The following MTMR9 variants were observed in gnomAD, a reference collection of about 807,000 sequenced individuals.
The protein encoded by MTMR9 is myotubularin related protein 9, also known as myotubularin-related protein 9.
A neutral mutation model predicts 69.5 loss-of-function variants in MTMR9; 39 were observed. That is an observed-to-expected ratio of 0.56 (90% CI 0.43 to 0.73). The LOEUF is 0.73. Ranked by LOEUF, MTMR9 falls within the 30% of genes least tolerant of loss-of-function variation. The pLI, the probability that MTMR9 is intolerant of heterozygous loss-of-function variation, is 0.00. For synonymous variants in MTMR9, 354 were observed against 240.8 expected, an observed-to-expected ratio of 1.47 and a Z score of -4.35; for missense variants, 900 against 671.2, an observed-to-expected ratio of 1.34 and a Z score of -3.77.
chr8:11,315,111 T>A (rs750212965), intron 7 of MTMR9, 47 bp downstream of exon 7: 1 of 1,590,354 alleles, frequency 6.3e-7, no homozygotes, highest in Admixed American at 1.7e-5. Flanking sequence ...ATTGATGCTG[T>A]GATCCTGCTT....
chr8:11,304,232 A>C (rs1799854864), intron 3 of MTMR9, among the ~76,000 whole-genome samples: 1 of 152,206 alleles, frequency 6.6e-6, no homozygotes, highest in African/African-American at 2.4e-5. Context: ...TACTGTTTTA[A>C]GAAAGGTGTT....
intron 6 of MTMR9, among the ~76,000 whole-genome samples, chr8:11,311,957 T>C (rs1428939902): frequency 6.6e-6 from 1 of 151,932 alleles, no homozygotes; most frequent in African/African-American, 2.4e-5. Flanking sequence ...AGGATACTAC[T>C]TTTCTTGCTC....
At chr8:11,303,104 A>G (rs1011050872) in intron 3 of MTMR9, among the ~76,000 whole-genome samples, 5 of 150,886 alleles carry the variant, frequency 3.3e-5, no homozygotes, top group East Asian at 1.9e-4. Flanking sequence ...TGAATTTGAT[A>G]AAAGTTGCAT....
In MTMR9 at chr8:11,306,415, A is replaced by G; in HGVS notation, c.809+8A>G. On this transcript the variant is annotated splice_region_variant and intron_variant, in intron 5 of 9. Coordinates refer to ENST00000221086, the MANE Select transcript of MTMR9 (RefSeq NM_015458.4). ...TCATAAGTCCATTGAGAGGTAAAAG[A>G]TTCCAAAGATAGTACAGACTCTTAT... is the stretch of plus-strand genomic sequence containing the variant. The G allele has an allele frequency of 6.2e-7, 1 of 1,612,656 alleles. No homozygotes were observed. Among genetic ancestry groups the G allele is most frequent in the East Asian group, 2.2e-5 (1 of 44,874 alleles).
At chr8:11,321,568 T>G in intron 9 of MTMR9, 3 of 452,712 alleles carry the variant, frequency 6.6e-6, no homozygotes, top group Middle Eastern at 3.3e-4. Context: ...ATGCCGGAGT[T>G]TCAGTGTGTG....
intron 1 of MTMR9, among the ~76,000 whole-genome samples, chr8:11,285,783 C>G (rs894177134): frequency 1.3e-5 from 2 of 152,106 alleles, no homozygotes; most frequent in Non-Finnish European, 2.9e-5. Flanking sequence ...TTCCCATCTC[C>G]TTAGTGGCTA....
chr8:11,305,317 A>T (rs936178139), intron 4 of MTMR9, among the ~76,000 whole-genome samples: 2 of 152,242 alleles, frequency 1.3e-5, no homozygotes, highest in African/African-American at 2.4e-5. Flanking sequence ...TTCTTCTGGT[A>T]GAAAAATGAG....
intron 6 of MTMR9, among the ~76,000 whole-genome samples, chr8:11,314,419 T>G (rs1800327385): frequency 6.6e-6 from 1 of 152,200 alleles, no homozygotes; most frequent in Non-Finnish European, 1.5e-5. Context: ...CAAAGTGTGG[T>G]CTAGGTCTCA....
chr8:11,306,672 G>T (rs1799952249), intron 5 of MTMR9, among the ~76,000 whole-genome samples: 1 of 152,098 alleles, frequency 6.6e-6, no homozygotes, highest in South Asian at 2.1e-4. Flanking sequence ...AACCTATCAC[G>T]TCGCATAGTT....
At chr8:11,307,782 A>G (rs968310624) in intron 5 of MTMR9, among the ~76,000 whole-genome samples, 1 of 151,660 alleles carries the variant, frequency 6.6e-6, no homozygotes, top group Non-Finnish European at 1.5e-5. Context: ...TTTGAATTTC[A>G]TTTCTCTGTT....
At chr8:11,331,221 G>T, downstream of MTMR9, 1 of 1,613,976 alleles carries the variant, frequency 6.2e-7, no homozygotes. Flanking sequence ...TGCCACCAAT[G>T]GCCTGCTGGT....
intron 2 of MTMR9, chr8:11,298,978 G>C: frequency 1.6e-6 from 1 of 630,828 alleles, no homozygotes; most frequent in Non-Finnish European, 2.0e-6. Context: ...GCATATACCA[G>C]TCTAGGAAGA....
chr8:11,311,778 C>A (rs1029792660), intron 6 of MTMR9, among the ~76,000 whole-genome samples: 3 of 152,070 alleles, frequency 2.0e-5, no homozygotes, highest in African/African-American at 7.2e-5. Context: ...CATGTGATAC[C>A]GTTTGATAGC....
intron 1 of MTMR9, among the ~76,000 whole-genome samples, chr8:11,287,328 G>A (rs1393941205): frequency 6.6e-6 from 1 of 152,042 alleles, no homozygotes; most frequent in Non-Finnish European, 1.5e-5. Context: ...GCGCTCATTT[G>A]TTTCCTCCTT....
In MTMR9 at chr8:11,304,904, A is replaced by G. The variant is rs541309581; in HGVS notation, c.481A>G (p.Ile161Val). 5.6e-6 allele frequency: 9 copies of G among 1,614,036 alleles called. No individual in the cohort carries two copies. The highest frequency in any genetic ancestry group is 2.2e-5 in the East Asian group (1 of 44,886). The change falls in exon 4 of 10, where the codon ATT (isoleucine) becomes GTT (valine). Residue 161 changes from isoleucine (I) to valine (V), a missense_variant. Coordinates refer to ENST00000221086, the MANE Select transcript of MTMR9 (RefSeq NM_015458.4). The part of the protein sequence containing the change: ...EFAVCPSYPP[I>V]VTVPKSIDDE... ...TGCTGTCTGTCCCTCTTACCCACCAATTGTCACAGTGCCCAAATCCATCGA... is the reference window on the plus strand; with the variant it reads ...TGCTGTCTGTCCCTCTTACCCACCAGTTGTCACAGTGCCCAAATCCATCGA...
chr8:11,320,599 G>A (rs563027766), intron 9 of MTMR9: 4 of 152,286 alleles, frequency 2.6e-5, no homozygotes, highest in African/African-American at 9.6e-5. Flanking sequence ...CCAATTTGGT[G>A]GTGCGGGTCT....
intron 3 of MTMR9, 53 bp downstream of exon 3, chr8:11,300,201 T>C: frequency 6.9e-6 from 11 of 1,590,032 alleles, no homozygotes; most frequent in Middle Eastern, 1.7e-4. Context: ...AATACCTTAT[T>C]TGACTTGTGA....
rs775712468 is a variant in MTMR9, at chr8:11,306,178, T to C, written c.592-12T>C. 5.6e-6 allele frequency: 9 copies of C among 1,610,978 alleles called. No homozygotes were observed. In the Admixed American group the frequency reaches 1.3e-4, roughly 24 times the overall value. ...AACTGCTGTTGAATTTTCAGCTTTA[T>C]TATGCTTCTAGGTAATTATGCGAAG... On this transcript the variant is annotated splice_polypyrimidine_tract_variant and intron_variant, in intron 4 of 9. Transcript: ENST00000221086.
At chr8:11,317,482 C>G (rs1462866255) in intron 8 of MTMR9, 1 of 152,138 alleles carries the variant, frequency 6.6e-6, no homozygotes, top group African/African-American at 2.4e-5. Flanking sequence ...TCCCCACATG[C>G]GCAGCTCACA....
Sources: allele counts gnomAD v4.1 joint callset (sites outside exome capture counted in the v4.1 genomes callset), GRCh38; gene constraint gnomAD v4.1.1; transcripts MANE v1.5; gene names NCBI Gene and HGNC (gene_info 2026-07-23, HGNC 2026-07-21).